Variants in SUGCT observed in about 807,000 individuals in gnomAD.
The protein encoded by SUGCT is succinyl-CoA:glutarate-CoA transferase, also known as succinyl-CoA:glutarate CoA-transferase.
Under a neutral mutation model 55.0 loss-of-function variants are expected in SUGCT, and 41 were observed. That is an observed-to-expected ratio of 0.74 (90% CI 0.58 to 0.97). The LOEUF is 0.97. Ranked by LOEUF, SUGCT falls within the 50% of genes least tolerant of loss-of-function variation. The pLI is 0.00. For synonymous variants in SUGCT, 187 were observed against 200.4 expected (o/e 0.93, Z 0.56); for missense variants, 568 against 547.8 (o/e 1.04, Z -0.37).
chr7:40,464,731 G>A (rs1790007210), intron 11 of SUGCT, among the ~76,000 whole-genome samples: 3 of 152,132 alleles, frequency 2.0e-5, no homozygotes, highest in Admixed American at 2.0e-4. Flanking sequence ...CAGCTACTTT[G>A]GGAAAGAAAC....
At chr7:40,245,140 C>T (rs920820495) in intron 7 of SUGCT, among the ~76,000 whole-genome samples, 7 of 145,694 alleles carry the variant, frequency 4.8e-5, no homozygotes, top group South Asian at 4.4e-4. Flanking sequence ...CTGCAACCTT[C>T]GCCTCCCAGA....
chr7:41,000,285 C>A, the SUGCT span, among the ~76,000 whole-genome samples: 1 of 151,914 alleles, frequency 6.6e-6, no homozygotes, highest in Non-Finnish European at 1.5e-5. Context: ...CACGCACGGA[C>A]ACACACACAC....
At chr7:41,016,598 C>A in the SUGCT span, among the ~76,000 whole-genome samples, 1 of 152,184 alleles carries the variant, frequency 6.6e-6, no homozygotes, top group East Asian at 1.9e-4. Flanking sequence ...AAATAATGAT[C>A]TTTTGCAATC....
intron 12 of SUGCT, among the ~76,000 whole-genome samples, chr7:40,643,233 C>A (rs1800346272): frequency 6.6e-6 from 1 of 152,136 alleles, no homozygotes; most frequent in South Asian, 2.1e-4. Flanking sequence ...TAATATAAGT[C>A]CCTTTCAAGT....
chr7:40,677,236 C>T (rs777695447), intron 12 of SUGCT, among the ~76,000 whole-genome samples: 11 of 152,180 alleles, frequency 7.2e-5, no homozygotes, highest in Admixed American at 7.2e-4. Flanking sequence ...GCCAACTCTA[C>T]ATTTTAGGAC....
At chr7:41,014,383 C>T in the SUGCT span, among the ~76,000 whole-genome samples, 1 of 152,032 alleles carries the variant, frequency 6.6e-6, no homozygotes, top group African/African-American at 2.4e-5. Flanking sequence ...AAAAAGAAAC[C>T]TCAAAGTTAG....
At chr7:40,631,941 T>G (rs1330990635) in intron 12 of SUGCT, among the ~76,000 whole-genome samples, 2 of 152,170 alleles carry the variant, frequency 1.3e-5, no homozygotes, top group Admixed American at 1.3e-4. Context: ...CCCAACTTGA[T>G]TTTTGAAGTT....
intron 12 of SUGCT, among the ~76,000 whole-genome samples, chr7:40,646,213 T>G (rs551175366): frequency 6.6e-6 from 1 of 152,180 alleles, no homozygotes; most frequent in African/African-American, 2.4e-5. Context: ...CTCAAATGCT[T>G]CCAATTCTCT....
intron 6 of SUGCT, among the ~76,000 whole-genome samples, chr7:40,222,995 TTCCTTCCTTCCTTCCTTCCTTC>T (rs1788116103): frequency 2.3e-5 from 3 of 129,900 alleles, no homozygotes; most frequent in Admixed American, 1.5e-4. Context: ...CTTTCCTTCC[TTCCTTCCTTCCTTCCTTCCTTC>T]CTTCCTTCCT....
intron 12 of SUGCT, among the ~76,000 whole-genome samples, chr7:40,614,872 A>G (rs1798922403): frequency 6.6e-6 from 1 of 152,106 alleles, no homozygotes; most frequent in Non-Finnish European, 1.5e-5. Context: ...CCAGGCTAAC[A>G]TGGTGAAACC....
At chr7:40,620,249 T>C (rs1404111780) in intron 12 of SUGCT, among the ~76,000 whole-genome samples, 1 of 152,222 alleles carries the variant, frequency 6.6e-6, no homozygotes, top group Non-Finnish European at 1.5e-5. Context: ...CAAAGAGCCA[T>C]TTGTTAAACA....
At chr7:40,207,713 A>T (rs1262161100) in intron 6 of SUGCT, among the ~76,000 whole-genome samples, 1 of 152,028 alleles carries the variant, frequency 6.6e-6, no homozygotes, top group Non-Finnish European at 1.5e-5. Flanking sequence ...GCTGCTCTGG[A>T]GGCTGAGGCA....
chr7:40,993,430 G>T, the SUGCT span, among the ~76,000 whole-genome samples: 1 of 152,206 alleles, frequency 6.6e-6, no homozygotes, highest in Non-Finnish European at 1.5e-5. Flanking sequence ...GAGCTCAAAA[G>T]TCAGGAAGTG....
chr7:40,846,244 T>C (rs1240398770), intron 13 of SUGCT, among the ~76,000 whole-genome samples: 1 of 152,220 alleles, frequency 6.6e-6, no homozygotes, highest in Admixed American at 6.5e-5. Context: ...ATTGAATATT[T>C]GAATTCTAGA....
intron 7 of SUGCT, among the ~76,000 whole-genome samples, chr7:40,254,531 G>C (rs1790664261): frequency 6.6e-6 from 1 of 151,834 alleles, no homozygotes. Context: ...CTGAGTAGCT[G>C]GGATTACAGG....
chr7:40,436,193 T>A (rs141596734), intron 9 of SUGCT, among the ~76,000 whole-genome samples: 1 of 152,220 alleles, frequency 6.6e-6, no homozygotes, highest in East Asian at 1.9e-4. Context: ...TCCTCCCACC[T>A]CTGCCTCCCA....
At chr7:40,374,656 T>C (rs1446298604) in intron 9 of SUGCT, among the ~76,000 whole-genome samples, 1 of 152,172 alleles carries the variant, frequency 6.6e-6, no homozygotes, top group Non-Finnish European at 1.5e-5. Context: ...AGGGTGTGAA[T>C]TTGACTGCCT....
At chr7:40,698,873 A>G (rs1461758729) in intron 12 of SUGCT, among the ~76,000 whole-genome samples, 1 of 152,200 alleles carries the variant, frequency 6.6e-6, no homozygotes, top group Non-Finnish European at 1.5e-5. Context: ...GTCTGCTGAA[A>G]AGGCCCTGAC....
intron 13 of SUGCT, among the ~76,000 whole-genome samples, chr7:40,807,378 T>C (rs1791159554): frequency 6.6e-6 from 1 of 152,094 alleles, no homozygotes; most frequent in African/African-American, 2.4e-5. Flanking sequence ...AGGATAAAAC[T>C]GCAATAAACT....
Sources: gnomAD v4.1 joint callset for allele counts (sites outside exome capture counted in the v4.1 genomes callset) on GRCh38, gnomAD v4.1.1 for gene constraint, MANE v1.5 for transcripts, NCBI Gene and HGNC (gene_info 2026-07-23, HGNC 2026-07-21) for gene names.